Variants in STARD13 observed in about 807,000 individuals in gnomAD.
The protein encoded by STARD13 is stAR-related lipid transfer protein 13.
A neutral mutation model predicts 106.4 loss-of-function variants in STARD13; 62 were observed. The ratio of observed to expected loss-of-function variants is 0.58; its 90% CI spans 0.48 to 0.72. The LOEUF (loss-of-function observed/expected upper bound fraction) is 0.72, where lower values mean the gene tolerates loss of function less well. Ranked by LOEUF, STARD13 falls within the 30% of genes least tolerant of loss-of-function variation. STARD13 has a pLI of 0.00. For synonymous variants in STARD13, 565 were observed against 553.0 expected (o/e 1.02, Z -0.31); for missense variants, 1,387 against 1,424.0 (o/e 0.97, Z 0.42).
the STARD13 span, among the ~76,000 whole-genome samples, chr13:33,378,581 G>C: frequency 6.6e-6 from 1 of 152,128 alleles, no homozygotes; most frequent in Non-Finnish European, 1.5e-5. Context: ...ACGAGGTCAG[G>C]AGTTCGAGAC....
the STARD13 span, among the ~76,000 whole-genome samples, chr13:33,650,147 A>G: frequency 1.6e-5 from 2 of 124,318 alleles, no homozygotes; most frequent in Non-Finnish European, 3.2e-5. Context: ...CCCACACCTG[A>G]ATGTGACGTG....
chr13:33,496,798 C>G, the STARD13 span, among the ~76,000 whole-genome samples: 1 of 151,976 alleles, frequency 6.6e-6, no homozygotes, highest in East Asian at 1.9e-4. Context: ...GAAATGTATG[C>G]CATTTTGTCT....
At chr13:33,473,425 G>C in the STARD13 span, among the ~76,000 whole-genome samples, 3 of 152,172 alleles carry the variant, frequency 2.0e-5, no homozygotes, top group African/African-American at 4.8e-5. Context: ...CCAGAAATTT[G>C]GTATATGTCT....
At chr13:33,167,498 G>C (rs1012434545) in intron 2 of STARD13, 53 bp downstream of exon 2, 1 of 1,569,136 alleles carries the variant, frequency 6.4e-7, no homozygotes, top group African/African-American at 1.4e-5. Context: ...GGATACGTGT[G>C]GTTCATTTTG....
At chr13:33,670,446 T>G in the STARD13 span, among the ~76,000 whole-genome samples, 1 of 152,218 alleles carries the variant, frequency 6.6e-6, no homozygotes, top group Non-Finnish European at 1.5e-5. Context: ...ACTAAAATCC[T>G]AAAGTCTTAT....
chr13:33,550,417 C>G, the STARD13 span, among the ~76,000 whole-genome samples: 1 of 152,180 alleles, frequency 6.6e-6, no homozygotes, highest in Non-Finnish European at 1.5e-5. Context: ...ATCCTTAATT[C>G]CTATTGAAGC....
chr13:33,582,503 T>C, the STARD13 span, among the ~76,000 whole-genome samples: 1 of 152,188 alleles, frequency 6.6e-6, no homozygotes, highest in Non-Finnish European at 1.5e-5. Flanking sequence ...ATTAAGAGCA[T>C]GCTAACAGTC....
At chr13:33,293,269 A>G (rs1892360931) in intron 1 of STARD13, among the ~76,000 whole-genome samples, 1 of 152,168 alleles carries the variant, frequency 6.6e-6, no homozygotes, top group African/African-American at 2.4e-5. Context: ...TATTTCATTC[A>G]CATTCTATAC....
At chr13:33,127,571 A>T (rs1444736100) in intron 5 of STARD13, 25 bp from the exon 6 acceptor site, 1 of 1,515,582 alleles carries the variant, frequency 6.6e-7, no homozygotes, top group Admixed American at 2.3e-5. Flanking sequence ...CCATCAGAGA[A>T]GCCAGTCACA....
the STARD13 span, among the ~76,000 whole-genome samples, chr13:33,452,405 C>T: frequency 6.6e-6 from 1 of 152,122 alleles, no homozygotes; most frequent in African/African-American, 2.4e-5. Flanking sequence ...TTTTCCTCTG[C>T]CGCACTGTTG....
intron 4 of STARD13, among the ~76,000 whole-genome samples, chr13:33,133,713 T>C (rs529264627): frequency 6.6e-6 from 1 of 152,344 alleles, no homozygotes; most frequent in African/African-American, 2.4e-5. Flanking sequence ...TCTGATACTT[T>C]TTAATCTAGT....
the STARD13 span, among the ~76,000 whole-genome samples, chr13:33,516,748 A>G: frequency 6.6e-6 from 1 of 151,890 alleles, no homozygotes; most frequent in African/African-American, 2.4e-5. Context: ...TAAAATACAA[A>G]CCAGATTTTG....
chr13:33,528,243 C>CATATATATATATATATATATAT, the STARD13 span, among the ~76,000 whole-genome samples: 3 of 93,478 alleles, frequency 3.2e-5, no homozygotes, highest in Non-Finnish European at 5.9e-5. Context: ...TATATATATA[C>CATATATATATATATATATATAT]ATATATATAT....
chr13:33,367,556 C>T, the STARD13 span, among the ~76,000 whole-genome samples: 44 of 152,218 alleles, frequency 2.9e-4, no homozygotes, highest in Admixed American at 1.1e-3. Context: ...AAACATACCT[C>T]ATGTATTAGA....
the STARD13 span, among the ~76,000 whole-genome samples, chr13:33,389,452 G>A: frequency 6.6e-6 from 1 of 152,078 alleles, no homozygotes; most frequent in African/African-American, 2.4e-5. Context: ...AGGAGCGAGG[G>A]AGTGAGCTGG....
At chr13:33,211,388 G>A (rs1401371010) in intron 1 of STARD13, among the ~76,000 whole-genome samples, 1 of 152,036 alleles carries the variant, frequency 6.6e-6, no homozygotes, top group Non-Finnish European at 1.5e-5. Flanking sequence ...CTTGGAAGTA[G>A]TCACTATTAA....
chr13:33,554,494 G>T, the STARD13 span, among the ~76,000 whole-genome samples: 1 of 152,100 alleles, frequency 6.6e-6, no homozygotes, highest in Admixed American at 6.5e-5. Context: ...TTCTTCATCG[G>T]ATTATTATGA....
chr13:33,493,775 T>C, the STARD13 span, among the ~76,000 whole-genome samples: 51 of 152,328 alleles, frequency 3.3e-4, no homozygotes, highest in African/African-American at 1.2e-3. Flanking sequence ...AATTCAAATC[T>C]AGGATTTACT....
the STARD13 span, among the ~76,000 whole-genome samples, chr13:33,616,571 G>T: frequency 6.6e-6 from 1 of 152,210 alleles, no homozygotes. Context: ...TGGGGACAAG[G>T]CATGGGAAAA....
Sources: allele counts gnomAD v4.1 joint callset (sites outside exome capture counted in the v4.1 genomes callset), GRCh38; gene constraint gnomAD v4.1.1; transcripts MANE v1.5; gene names NCBI Gene and HGNC (gene_info 2026-07-23, HGNC 2026-07-21).